The following FBXL7 variants were observed in gnomAD, a reference collection of about 807,000 sequenced individuals.
FBXL7 encodes the protein F-box and leucine rich repeat protein 7, also known as F-box/LRR-repeat protein 7.
Under a neutral mutation model 38.3 loss-of-function variants are expected in FBXL7, and 12 were observed. That is an observed-to-expected ratio of 0.31 (90% CI 0.20 to 0.51). The LOEUF (loss-of-function observed/expected upper bound fraction) is 0.51. Ranked by LOEUF, FBXL7 falls within the 20% of genes least tolerant of loss-of-function variation. FBXL7 has a pLI of 0.98. For synonymous variants in FBXL7, 297 were observed against 300.9 expected, an observed-to-expected ratio of 0.99 and a Z score of 0.13; for missense variants, 567 against 676.4, an observed-to-expected ratio of 0.84 and a Z score of 1.79.
At chr5:15,546,036 C>G (rs754422898) in intron 1 of FBXL7, among the ~76,000 whole-genome samples, 3 of 152,198 alleles carry the variant, frequency 2.0e-5, no homozygotes, top group Admixed American at 1.3e-4. Context: ...AAAATATCTT[C>G]TTAATATTTT....
chr5:15,636,028 A>G (rs1281896510), intron 2 of FBXL7, among the ~76,000 whole-genome samples: 2 of 151,604 alleles, frequency 1.3e-5, no homozygotes, highest in Non-Finnish European at 2.9e-5. Flanking sequence ...GAGAGTGATT[A>G]TAATCCTTTA....
At position 15,936,102 on chromosome 5, in the gene FBXL7, C is replaced by T. The variant is rs925018707; in HGVS notation, c.740-348C>T. Among the ~76,000 whole-genome samples, 2 of 152,200 alleles carry T rather than the reference C, an allele frequency of 1.3e-5. No individual in the cohort carries two copies. The highest frequency in any genetic ancestry group is 4.8e-5 in the African/African-American group (2 of 41,446). On this transcript the variant is annotated intron_variant, in intron 3 of 3. Transcript: ENST00000504595. The surrounding 1 kb of genome is among the most constrained non-coding windows in gnomAD (Gnocchi z 6.0). ...CCTCTCATTACTCCATCCCAGCTGC[C>T]TCCCAGGGAATGGGATCCTCCCTAT...
chr5:15,888,707 C>A (rs913500514), intron 2 of FBXL7, among the ~76,000 whole-genome samples: 3 of 152,134 alleles, frequency 2.0e-5, no homozygotes, highest in Non-Finnish European at 4.4e-5. Context: ...TTCTCTTTCA[C>A]GGCCCACTCT....
At chr5:15,765,146 A>T (rs557960232) in intron 2 of FBXL7, among the ~76,000 whole-genome samples, 6 of 152,082 alleles carry the variant, frequency 3.9e-5, no homozygotes, top group African/African-American at 1.2e-4. Context: ...ATCTGTAAAA[A>T]CCCTTCTTGG....
At chr5:15,712,352 GAA>G (rs56795994) in intron 2 of FBXL7, among the ~76,000 whole-genome samples, 1,782 of 140,808 alleles carry the variant, frequency 0.013, 31 homozygotes, top group African/African-American at 0.039. Context: ...TTAAAATAGT[GAA>G]AAAAAAAAAA....
In FBXL7 at chr5:15,615,806, T is replaced by C. The variant is rs745375966; in HGVS notation, c.38-177T>C. 9.2e-5 allele frequency among the ~76,000 whole-genome samples: 14 copies of C among 152,316 alleles called. No individual in the cohort carries two copies. The South Asian group carries it at 1.9e-3, about 20-fold the overall frequency. ...TAGTTCTCCTATAACATGGATCAGA[T>C]ATTTCCCAAAAGATATTTAATGCAT... On this transcript the variant is annotated intron_variant, in intron 1 of 3. Transcript: ENST00000504595.
chr5:15,861,585 A>G (rs528876728), intron 2 of FBXL7, among the ~76,000 whole-genome samples: 126 of 152,220 alleles, frequency 8.3e-4, no homozygotes, highest in Non-Finnish European at 1.6e-3. Context: ...CTTATTACCC[A>G]TACTTCCCAA....
chr5:15,566,974 G>A (rs1015809136), intron 1 of FBXL7, among the ~76,000 whole-genome samples: 2 of 152,132 alleles, frequency 1.3e-5, no homozygotes, highest in Non-Finnish European at 2.9e-5. Context: ...TTCAATGGGG[G>A]ATCTGAGAGA....
At chr5:15,768,873 G>A (rs1394654) in intron 2 of FBXL7, among the ~76,000 whole-genome samples, 115,217 of 152,192 alleles carry the variant, frequency 0.76, 43,979 homozygotes, top group East Asian at 0.9. Context: ...AGAAATGTGG[G>A]CATTTTGATT....
At chr5:15,566,297 C>CT (rs1738569645) in intron 1 of FBXL7, among the ~76,000 whole-genome samples, 1 of 152,098 alleles carries the variant, frequency 6.6e-6, no homozygotes, top group East Asian at 1.9e-4. Flanking sequence ...GCTCCGCTGC[C>CT]TTTTTTATTG....
intron 2 of FBXL7, among the ~76,000 whole-genome samples, chr5:15,922,649 A>G (rs528499720): frequency 6.6e-6 from 1 of 152,180 alleles, no homozygotes; most frequent in Non-Finnish European, 1.5e-5. Context: ...TTTCACTGGC[A>G]CTTTTTGCAA....
At chr5:15,738,254 A>G (rs1481343311) in intron 2 of FBXL7, among the ~76,000 whole-genome samples, 1 of 152,212 alleles carries the variant, frequency 6.6e-6, no homozygotes, top group Non-Finnish European at 1.5e-5. Context: ...TTAGGGTAAT[A>G]TGAGAAGTGC....
chr5:15,889,876 C>A (rs1579575324), intron 2 of FBXL7, among the ~76,000 whole-genome samples: 1 of 152,266 alleles, frequency 6.6e-6, no homozygotes, highest in East Asian at 1.9e-4. Context: ...AGGACTAACA[C>A]TTGTAAGATA....
intron 1 of FBXL7, 49 bp downstream of exon 1, chr5:15,500,762 C>G: frequency 6.3e-7 from 1 of 1,590,152 alleles, no homozygotes. Flanking sequence ...CCCTCCTCCC[C>G]TTTCCCTCGC....
At chr5:15,503,791 A>G (rs1736566707) in intron 1 of FBXL7, among the ~76,000 whole-genome samples, 1 of 152,254 alleles carries the variant, frequency 6.6e-6, no homozygotes, top group Non-Finnish European at 1.5e-5. Flanking sequence ...TTATGTTTCA[A>G]AAATCTGCAA....
chr5:15,661,600 A>G (rs941820053), intron 2 of FBXL7, among the ~76,000 whole-genome samples: 2 of 152,200 alleles, frequency 1.3e-5, no homozygotes, highest in African/African-American at 2.4e-5. Context: ...GGTTTGTTAC[A>G]TAGGCAAGCT....
At chr5:15,921,779 C>G (rs1210733166) in intron 2 of FBXL7, among the ~76,000 whole-genome samples, 1 of 152,118 alleles carries the variant, frequency 6.6e-6, no homozygotes, top group Non-Finnish European at 1.5e-5. Context: ...AAATGCAAAT[C>G]AAAACTACTG....
intron 2 of FBXL7, among the ~76,000 whole-genome samples, chr5:15,920,251 C>T (rs1741703455): frequency 1.4e-5 from 2 of 146,928 alleles, no homozygotes; most frequent in African/African-American, 2.6e-5. Flanking sequence ...AGCGAGACTC[C>T]ATCTCAAAAA....
chr5:15,927,860 G>T (rs1426579646), intron 2 of FBXL7, 30 bp from the exon 3 acceptor site: 1 of 1,502,912 alleles, frequency 6.7e-7, no homozygotes, highest in East Asian at 2.3e-5. Context: ...AGGCCATCAT[G>T]ATTAACCTTT....
Sources: allele counts gnomAD v4.1 joint callset (sites outside exome capture counted in the v4.1 genomes callset), GRCh38; gene constraint gnomAD v4.1.1; non-coding constraint Gnocchi (gnomAD v3.1); transcripts MANE v1.5; gene names NCBI Gene and HGNC (gene_info 2026-07-23, HGNC 2026-07-21).